Variants in ATL1 observed in about 807,000 individuals in gnomAD.
The protein encoded by ATL1 is atlastin-1.
A neutral mutation model predicts 75.5 loss-of-function variants in ATL1; 31 were observed. The observed-to-expected ratio is 0.41, with a 90% confidence interval of 0.31 to 0.55. The LOEUF (loss-of-function observed/expected upper bound fraction) is 0.55. ATL1 is among the 20% of genes least tolerant of loss of function. The pLI is 0.27. For synonymous variants in ATL1, 226 were observed against 233.3 expected (o/e 0.97, Z 0.28); for missense variants, 405 against 662.6 (o/e 0.61, Z 4.27).
At chr14:50,548,168 T>C (rs2038658025) in intron 1 of ATL1, among the ~76,000 whole-genome samples, 1 of 152,164 alleles carries the variant, frequency 6.6e-6, no homozygotes, top group Non-Finnish European at 1.5e-5. Flanking sequence ...TACCTGGAGC[T>C]GTCACTGATA....
chr14:50,603,002 G>A (rs1042054285), intron 6 of ATL1, among the ~76,000 whole-genome samples: 2 of 152,168 alleles, frequency 1.3e-5, no homozygotes, highest in Non-Finnish European at 2.9e-5. Context: ...CCAGCAGACA[G>A]CATCTATGGC....
chr14:50,544,742 T>TGG (rs1346446264), intron 1 of ATL1, among the ~76,000 whole-genome samples: 1 of 151,754 alleles, frequency 6.6e-6, no homozygotes, highest in African/African-American at 2.4e-5. Context: ...GAGACCAGCC[T>TGG]GGGGAACATA....
chr14:50,631,302 CAAAG>C (rs1245496353), intron 13 of ATL1, among the ~76,000 whole-genome samples: 6 of 151,342 alleles, frequency 4.0e-5, no homozygotes, highest in Admixed American at 6.6e-5. Context: ...AAACCAGATC[CAAAG>C]AAAGTAGGTA....
chr14:50,587,580 T>A (rs1347680425), intron 1 of ATL1, among the ~76,000 whole-genome samples: 1 of 151,542 alleles, frequency 6.6e-6, no homozygotes, highest in Non-Finnish European at 1.5e-5. Flanking sequence ...TGACGAATTT[T>A]AAAATTTTTT....
intron 1 of ATL1, among the ~76,000 whole-genome samples, chr14:50,579,805 A>G (rs926667437): frequency 6.6e-6 from 1 of 152,186 alleles, no homozygotes; most frequent in Admixed American, 6.5e-5. Flanking sequence ...TTGTGAGACT[A>G]AAGTGGGCCA....
intron 7 of ATL1, 48 bp from the exon 8 acceptor site, chr14:50,614,325 C>T (rs1405027893): frequency 1.9e-6 from 3 of 1,605,246 alleles, no homozygotes; most frequent in South Asian, 1.1e-5. Context: ...AATTCCTTTG[C>T]ATAATTTGTG....
chr14:50,593,988 T>A, intron 5 of ATL1, 92 bp downstream of exon 5: 1 of 971,834 alleles, frequency 1.0e-6, no homozygotes, highest in Non-Finnish European at 1.6e-6. Context: ...CATAATCAGA[T>A]TCTGATTCTG....
At chr14:50,599,562 A>G (rs942153184) in intron 6 of ATL1, among the ~76,000 whole-genome samples, 1 of 152,192 alleles carries the variant, frequency 6.6e-6, no homozygotes, top group Non-Finnish European at 1.5e-5. Flanking sequence ...GAGACAACTT[A>G]GGTGTCCATC....
intron 1 of ATL1, among the ~76,000 whole-genome samples, chr14:50,538,635 A>G (rs1243686319): frequency 6.6e-6 from 1 of 152,200 alleles, no homozygotes; most frequent in Non-Finnish European, 1.5e-5. Flanking sequence ...ATGAGCAGAA[A>G]AAGCTACAAT....
chr14:50,591,626 T>C lies in ATL1; in HGVS notation c.509T>C (p.Ile170Thr). Residue 170 changes from isoleucine (I) to threonine (T), a missense_variant, in exon 4 of 14, where the codon ATC becomes ACC. By Grantham distance (89) the Ile-to-Thr change is moderately conservative. Transcript: ENST00000358385. ...ACAGTATTTGCCCTTAGCACAATGA[T>C]CAGCTCAATACAGGTATGAAATAAG... ...SATVFALSTMISSIQVYNLSQ... is the reference protein window; with the variant it reads ...SATVFALSTMTSSIQVYNLSQ... The C allele has an allele frequency of 6.2e-7, 1 of 1,612,668 alleles. No individual in the cohort carries two copies. The highest frequency in any genetic ancestry group is 1.1e-5 in the South Asian group (1 of 91,058).
At chr14:50,625,621 T>G (rs975309609) in intron 11 of ATL1, among the ~76,000 whole-genome samples, 5 of 152,130 alleles carry the variant, frequency 3.3e-5, no homozygotes, top group Admixed American at 6.5e-5. Flanking sequence ...TTCTAGGCAC[T>G]TAAGAATCAT....
chr14:50,590,550 A>G (rs2039146189), intron 2 of ATL1, among the ~76,000 whole-genome samples: 1 of 152,196 alleles, frequency 6.6e-6, no homozygotes, highest in Non-Finnish European at 1.5e-5. Context: ...GTCTTAGCTC[A>G]AACATCCTAT....
intron 6 of ATL1, among the ~76,000 whole-genome samples, chr14:50,602,310 G>A (rs1351849067): frequency 1.3e-5 from 2 of 152,114 alleles, no homozygotes; most frequent in Non-Finnish European, 2.9e-5. Flanking sequence ...TGGTGGTGGA[G>A]AGGGTTTCCA....
intron 1 of ATL1, among the ~76,000 whole-genome samples, chr14:50,570,874 T>C (rs948324888): frequency 6.6e-6 from 1 of 152,230 alleles, no homozygotes; most frequent in Non-Finnish European, 1.5e-5. Context: ...TTTTTCTTTT[T>C]GTTTTAATTG....
chr14:50,603,977 G>T (rs1343337257), intron 6 of ATL1, among the ~76,000 whole-genome samples: 1 of 152,084 alleles, frequency 6.6e-6, no homozygotes, highest in Admixed American at 6.5e-5. Context: ...TCTACATTTA[G>T]GTACCTGAAA....
rs149160365 is a variant in ATL1, at chr14:50,608,936, C to A, written c.631-4323C>A. 9.9e-5 allele frequency among the ~76,000 whole-genome samples: 15 copies of A among 151,972 alleles called. No individual in the cohort carries two copies. The East Asian group carries it at 2.7e-3, about 27-fold the overall frequency. On this transcript the variant is annotated intron_variant, in intron 6 of 13. Coordinates refer to ENST00000358385, the MANE Select transcript of ATL1 (RefSeq NM_015915.5). The stretch of plus-strand genomic sequence containing the variant: ...AGGGTGGATGTGGGTATTTTTAATT[C>A]TTTTCTCTACAAGAATCCCTCCTCT...
chr14:50,581,910 T>TA lies in ATL1; in HGVS notation c.35-5920dup, dbSNP rs776150489. Among the ~76,000 whole-genome samples, 8 of 152,266 alleles carry TA rather than the reference T, an allele frequency of 5.3e-5. No homozygotes were observed. In the East Asian group the frequency reaches 1.2e-3, roughly 22 times the overall value. On this transcript the variant is annotated intron_variant, in intron 1 of 13. Transcript: ENST00000358385. Reference sequence around the variant, plus strand: ...AGTGAAAAGAAAATTCCTAGAAAGATAGAATGAACTAGAAGTATTTCAAGA... The same window carrying TA: ...AGTGAAAAGAAAATTCCTAGAAAGATAAGAATGAACTAGAAGTATTTCAAGA...
At chr14:50,562,730 CTCTTA>C (rs1290422940) in intron 1 of ATL1, among the ~76,000 whole-genome samples, 1 of 152,136 alleles carries the variant, frequency 6.6e-6, no homozygotes, top group Non-Finnish European at 1.5e-5. Context: ...GAATTCTGGA[CTCTTA>C]TCTTGATGTT....
At chr14:50,569,900 T>C (rs1443378572) in intron 1 of ATL1, among the ~76,000 whole-genome samples, 1 of 152,224 alleles carries the variant, frequency 6.6e-6, no homozygotes, top group Non-Finnish European at 1.5e-5. Flanking sequence ...AAGTTTCTGA[T>C]GTGAAATTTG....
Sources: gnomAD v4.1 joint callset for allele counts (sites outside exome capture counted in the v4.1 genomes callset) on GRCh38, gnomAD v4.1.1 for gene constraint, MANE v1.5 for transcripts, NCBI Gene and HGNC (gene_info 2026-07-23, HGNC 2026-07-21) for gene names.